The following ZNF771 variants were observed in gnomAD, a reference collection of about 807,000 sequenced individuals.
ZNF771 encodes mesenchymal stem cell protein DSC43.
Under a neutral mutation model 27.6 loss-of-function variants are expected in ZNF771, and 10 were observed. The ratio of observed to expected loss-of-function variants is 0.36; its 90% CI spans 0.22 to 0.61. The LOEUF (loss-of-function observed/expected upper bound fraction) is 0.61. Ranked by LOEUF, ZNF771 falls within the 20% of genes least tolerant of loss-of-function variation. The pLI is 0.70. For missense variants in ZNF771, 438 were observed against 503.7 expected, an observed-to-expected ratio of 0.87 and a Z score of 1.25; for synonymous variants, 261 against 225.2, an observed-to-expected ratio of 1.16 and a Z score of -1.43.
At chr16:30,408,284 A>G (rs1215325150) in intron 2 of ZNF771, 90 bp downstream of exon 2, 2 of 1,566,974 alleles carry the variant, frequency 1.3e-6, no homozygotes, top group East Asian at 2.3e-5. Flanking sequence ...TCTTGCCCCT[A>G]CTTTTCCCAG....
In ZNF771 at chr16:30,417,937, A is replaced by G. The variant is rs749888299; in HGVS notation, c.524A>G (p.Tyr175Cys). 2.0e-6 allele frequency: 3 copies of G among 1,515,652 alleles called. No individual in the cohort carries two copies. Among genetic ancestry groups the G allele is most frequent in the Non-Finnish European group, 2.6e-6 (3 of 1,141,546 alleles). 93.9% of individuals were successfully genotyped at this position (1,515,652 alleles called of 1,614,324 possible). The change falls in exon 3 of 3, where the codon TAC becomes TGC. Residue 175 changes from tyrosine (Y) to cysteine (C), a missense_variant. By Grantham distance (194) the Tyr-to-Cys change is radical (BLOSUM62 -2). Coordinates refer to ENST00000319296, the MANE Select transcript of ZNF771 (RefSeq NM_001142305.2). Reference protein sequence around the residue: ...HLRVHTGEKPYACPDCGRAFG... With the variant: ...HLRVHTGEKPCACPDCGRAFG... ...CGCGTGCACACGGGCGAGAAGCCGT[A>G]CGCGTGCCCGGACTGCGGACGCGCC...
At position 30,418,350 on chromosome 16, in the gene ZNF771, G is replaced by C. The variant is rs1174147597; in HGVS notation, c.937G>C (p.Glu313Gln). ...CGCCACTGCCACCGAGCGTTGCCCG[G>C]AGTGTGAGGGCAGCTGAGTCCCGCA... ...TAATATERCP[E>Q]CEGS The change falls in exon 3 of 3, where the codon GAG (glutamate) becomes CAG (glutamine). Residue 313 changes from glutamate (E) to glutamine (Q), a missense_variant. By Grantham distance (29) the Glu-to-Gln change is conservative. Coordinates refer to ENST00000319296, the MANE Select transcript of ZNF771 (RefSeq NM_001142305.2). 1 of 1,443,992 alleles carries C rather than the reference G, an allele frequency of 6.9e-7. No individual in the cohort carries two copies. Among genetic ancestry groups the C allele is most frequent in the South Asian group, 1.4e-5 (1 of 72,442 alleles). The allele number at this position is 1,443,992 out of a possible 1,614,324, so 89.4% of individuals were successfully genotyped here. A position where few individuals can be genotyped will look rare whatever the true frequency, so the allele number is the denominator to read the frequency against.
At position 30,411,725 on chromosome 16, in the gene ZNF771, G is replaced by T. The variant is rs576834673; in HGVS notation, c.141+3531G>T. On this transcript the variant is annotated intron_variant, in intron 2 of 2. Transcript: ENST00000319296. ...ACATATCCCATGAACTGTTAGCATC[G>T]TGCCCAGAAGGGTGCTCGATCGTTA... 3.0e-4 allele frequency among the ~76,000 whole-genome samples: 46 copies of T among 152,216 alleles called. 1 individual carries two copies. The South Asian group carries it at 8.9e-3, about 30-fold the overall frequency.
chr16:30,418,149 C>T lies in ZNF771; in HGVS notation c.736C>T (p.Leu246=), dbSNP rs759217874. The T allele has an allele frequency of 2.0e-5, 30 of 1,478,786 alleles. No individual in the cohort carries two copies. The highest frequency in any genetic ancestry group is 9.4e-5 in the Admixed American group (4 of 42,444). 91.6% of individuals were successfully genotyped at this position (1,478,786 alleles called of 1,614,324 possible). The change falls in exon 3 of 3, where the codon CTG becomes TTG. Residue 246 remains leucine, a synonymous_variant. Coordinates refer to ENST00000319296, the MANE Select transcript of ZNF771 (RefSeq NM_001142305.2). ...CCGTCGCTTCGGCCACCGCTCCAAC[C>T]TGGCGGAGCACGCGCGCACGCACAC... ...CGRRFGHRSN[L]AEHARTHTGE...
chr16:30,417,989 C>G lies in ZNF771; in HGVS notation c.576C>G (p.Arg192=). 5 of 1,465,048 alleles carry G rather than the reference C, an allele frequency of 3.4e-6. No individual in the cohort carries two copies. The highest frequency in any genetic ancestry group is 4.5e-6 in the Non-Finnish European group (5 of 1,119,180). The allele number at this position is 1,465,048 out of a possible 1,614,324, so 90.8% of individuals were successfully genotyped here. A position where few individuals can be genotyped will look rare whatever the true frequency, so the allele number is the denominator to read the frequency against. The change falls in exon 3 of 3, where the codon CGC becomes CGG. Residue 192 remains arginine (R), a synonymous_variant. Transcript: ENST00000319296. Reference sequence around the variant, plus strand: ...TTGGCGGCAGCTCGTGCCTGGCGCGCCACCGACGCACGCACACGGGCGAGC... The same window carrying G: ...TTGGCGGCAGCTCGTGCCTGGCGCGGCACCGACGCACGCACACGGGCGAGC... ...RAFGGSSCLA[R]HRRTHTGERP...
intron 2 of ZNF771, among the ~76,000 whole-genome samples, chr16:30,409,526 A>C (rs1227392874): frequency 6.6e-6 from 1 of 152,130 alleles, no homozygotes; most frequent in African/African-American, 2.4e-5. Context: ...GTCTGCCCCC[A>C]GCCTGAGCAG....
Position 30,417,779 on chromosome 16 carries a change from C to A in ZNF771, c.366C>A (p.Pro122=), listed in dbSNP as rs760678532. The part of the protein sequence containing the change: ...THTGERPYEC[P]ECDKRFSAAS... ...CGGGCGAGCGGCCCTACGAGTGCCC[C>A]GAGTGCGACAAACGCTTCTCGGCCG... The change falls in exon 3 of 3, where the codon CCC becomes CCA. Residue 122 remains proline, a synonymous_variant. Transcript: ENST00000319296. 6.8e-7 allele frequency: 1 copy of A among 1,468,718 alleles called. No individual in the cohort carries two copies. 91.0% of individuals were successfully genotyped at this position (1,468,718 alleles called of 1,614,324 possible).
In ZNF771 at chr16:30,417,659, G is replaced by GA. The variant is rs2050141360; in HGVS notation, c.246_247insA (p.Arg83ThrfsTer233). ...GCCGCTCCACGCTGGCGAAGCACGC[G>GA]CGCACGCACACGGGCGAACGGCCCT... On this transcript the variant is annotated frameshift_variant, in exon 3 of 3. Coordinates refer to ENST00000319296, the MANE Select transcript of ZNF771 (RefSeq NM_001142305.2). LOFTEE classifies it high-confidence loss of function. 7.3e-7 allele frequency: 1 copy of GA among 1,373,994 alleles called. No homozygotes were observed. The allele number at this position is 1,373,994 out of a possible 1,614,324, so 85.1% of individuals were successfully genotyped here.
Position 30,417,970 on chromosome 16 carries a change from G to A in ZNF771, c.557G>A (p.Gly186Asp). Reference sequence around the variant, plus strand: ...CCGGACTGCGGACGCGCCTTTGGCGGCAGCTCGTGCCTGGCGCGCCACCGA... The same window carrying A: ...CCGGACTGCGGACGCGCCTTTGGCGACAGCTCGTGCCTGGCGCGCCACCGA... ...ACPDCGRAFG[G>D]SSCLARHRRT... is the part of the protein sequence containing the mutation. Residue 186 changes from glycine (G) to aspartate (D), a missense_variant, in exon 3 of 3, where the codon GGC (glycine) becomes GAC (aspartate). Gly to Asp is a moderately conservative substitution (Grantham distance 94). Transcript: ENST00000319296. 1 of 1,489,262 alleles carries A rather than the reference G, an allele frequency of 6.7e-7. No individual in the cohort carries two copies. Among genetic ancestry groups the A allele is most frequent in the Admixed American group, 2.3e-5 (1 of 43,310 alleles). 92.3% of individuals were successfully genotyped at this position (1,489,262 alleles called of 1,614,324 possible).
At chr16:30,417,495 C>G in intron 2 of ZNF771, 60 bp from the exon 3 acceptor site, 1 of 1,133,490 alleles carries the variant, frequency 8.8e-7, no homozygotes, top group South Asian at 4.5e-5. Context: ...CCTGTGGAGA[C>G]CCAGGTCTCT....
intron 2 of ZNF771, among the ~76,000 whole-genome samples, chr16:30,411,231 A>G (rs1567440519): frequency 6.6e-6 from 1 of 151,328 alleles, no homozygotes; most frequent in East Asian, 2.0e-4. Flanking sequence ...AGGCAGGAGA[A>G]TCGCTTGAAT....
At position 30,418,337 on chromosome 16, in the gene ZNF771, C is replaced by T. The variant is rs1249784068; in HGVS notation, c.924C>T (p.Thr308=). ...LPPGATAATA[T]ERCPECEGS ...CTGGCGCCACGGCCGCCACTGCCAC[C>T]GAGCGTTGCCCGGAGTGTGAGGGCA... Residue 308 remains threonine, a synonymous_variant, in exon 3 of 3, where the codon ACC becomes ACT. Coordinates refer to ENST00000319296, the MANE Select transcript of ZNF771 (RefSeq NM_001142305.2). 2 of 1,458,172 alleles carry T rather than the reference C, an allele frequency of 1.4e-6. No individual in the cohort carries two copies. Among genetic ancestry groups the T allele is most frequent in the East Asian group, 2.9e-5 (1 of 34,364 alleles). 90.3% of individuals were successfully genotyped at this position (1,458,172 alleles called of 1,614,324 possible).
chr16:30,414,946 CTTTTTTTTTTTTTTTTTTTTT>C (rs71149016), intron 2 of ZNF771, among the ~76,000 whole-genome samples: 15 of 59,452 alleles, frequency 2.5e-4, no homozygotes, highest in South Asian at 8.1e-4. Context: ...CGCCCGGCCT[CTTTTTTTTTTTTTTTTTTTTT>C]TTTTTTTTGA....
intron 2 of ZNF771, among the ~76,000 whole-genome samples, chr16:30,410,237 G>A (rs367799729): frequency 3.9e-5 from 6 of 152,036 alleles, no homozygotes; most frequent in African/African-American, 1.2e-4. Context: ...TGAGTAGCTG[G>A]GATTATAGGT....
Position 30,408,070 on chromosome 16 carries a change from A to C in ZNF771, c.17A>C (p.Gln6Pro). ...GACACCAAGATGCCTGGCGAACAGC[A>C]GGCAGAGGAAGAGGAGGAGGAAGAG... MPGEQ[Q>P]AEEEEEEEMQ... The change falls in exon 2 of 3, where the codon CAG becomes CCG. Residue 6 changes from glutamine (Q) to proline (P), a missense_variant. Around this residue, in one of 3 missense-constraint regions of ZNF771, gnomAD observed 84 missense variants for 89.2 expected, o/e 0.94. Coordinates refer to ENST00000319296, the MANE Select transcript of ZNF771 (RefSeq NM_001142305.2). The C allele has an allele frequency of 6.3e-7, 1 of 1,598,952 alleles. No homozygotes were observed. Among genetic ancestry groups the C allele is most frequent in the Non-Finnish European group, 8.5e-7 (1 of 1,172,216 alleles).
intron 2 of ZNF771, among the ~76,000 whole-genome samples, chr16:30,416,090 TAAA>T: frequency 1.3e-5 from 2 of 152,252 alleles, no homozygotes; most frequent in South Asian, 4.1e-4. Context: ...CTTCACTGCT[TAAA>T]AAATGATAGG....
At chr16:30,413,676 C>A (rs1236003528) in intron 2 of ZNF771, 1 of 350,694 alleles carries the variant, frequency 2.9e-6, no homozygotes, top group Non-Finnish European at 5.9e-6. Flanking sequence ...CTCAAGTGAT[C>A]CTCCTTCCTC....
At chr16:30,408,298 C>A in intron 2 of ZNF771, 104 bp downstream of exon 2, 1 of 1,526,306 alleles carries the variant, frequency 6.6e-7, no homozygotes, top group Non-Finnish European at 9.0e-7. Context: ...TTCCCAGAAT[C>A]TCGGATCTAA....
chr16:30,410,856 CAAAAAAAAAAAA>C (rs71149015), intron 2 of ZNF771, among the ~76,000 whole-genome samples: 1 of 27,386 alleles, frequency 3.7e-5, no homozygotes, highest in African/African-American at 1.7e-4. Context: ...CTCATCTCTA[CAAAAAAAAAAAA>C]AAAAAAAAAA....
Sources: allele counts gnomAD v4.1 joint callset (sites outside exome capture counted in the v4.1 genomes callset), GRCh38; gene constraint gnomAD v4.1.1; regional missense constraint gnomAD v4.1.1; transcripts MANE v1.5; gene names NCBI Gene and HGNC (gene_info 2026-07-23, HGNC 2026-07-21).